MACF1: variants seen among roughly 807,000 people sequenced by gnomAD.
The protein encoded by MACF1 is microtubule-actin cross-linking factor 1.
In MACF1, 193 loss-of-function variants were observed where a neutral mutation model predicts 854.8. The observed-to-expected ratio is 0.23, with a 90% CI of 0.20 to 0.25. The LOEUF (loss-of-function observed/expected upper bound fraction) is 0.25, where lower values mean the gene tolerates loss of function less well. MACF1 is among the 10% of genes least tolerant of loss of function. The pLI is 1.00. For synonymous variants in MACF1, 3,185 were observed against 3,226.7 expected (o/e 0.99, Z 0.44); for missense variants, 7,722 against 8,929.1 (o/e 0.86, Z 5.45).
intron 97 of MACF1, among the ~76,000 whole-genome samples, chr1:39,477,081 A>ACACTTAGTG (rs1373355558): frequency 1.4e-4 from 2 of 14,450 alleles, no homozygotes; most frequent in Admixed American, 9.4e-4. Flanking sequence ...ATATATATAT[A>ACACTTAGTG]TATATATATA....
chr1:39,204,028 C>T (rs1201078582), upstream of MACF1, among the ~76,000 whole-genome samples: 2 of 152,108 alleles, frequency 1.3e-5, no homozygotes, highest in African/African-American at 4.8e-5. Flanking sequence ...AATCCCAGCA[C>T]CTTTGGAGGC....
At position 39,454,246 on chromosome 1, in the gene MACF1, A is replaced by T. The variant is rs1644392787; in HGVS notation, c.20886+396A>T. 2.0e-5 allele frequency among the ~76,000 whole-genome samples: 3 copies of T among 152,230 alleles called. No individual in the cohort carries two copies. In the South Asian group the frequency reaches 6.2e-4, roughly 32 times the overall value. On this transcript the variant is annotated intron_variant, in intron 88 of 100. Coordinates refer to ENST00000564288, the MANE Select transcript of MACF1 (RefSeq NM_001394062.1). ...CATTCACAGCCAAACATGGATAGAA[A>T]ATACAGTATTCACGGGAAGCGAAGC...
chr1:39,437,781 A>G lies in MACF1; in HGVS notation c.17993A>G (p.His5998Arg). Residue 5998 changes from histidine to arginine, a missense_variant, in exon 71 of 101, where the codon CAT becomes CGT. Transcript: ENST00000564288. ...AATGTTCCAACATTTGTTTAGTTTC[A>G]TGATAAAATTGAGCCTATGTTGGAG... Reference protein sequence around the residue: ...DEAVSQSTQFHDKIEPMLETL... With the variant: ...DEAVSQSTQFRDKIEPMLETL... 9.9e-6 allele frequency: 16 copies of G among 1,610,860 alleles called. No individual in the cohort carries two copies. Among genetic ancestry groups the G allele is most frequent in the Non-Finnish European group, 1.4e-5 (16 of 1,176,968 alleles).
chr1:39,168,549 G>A (rs575209460), intron 2 of MACF1, among the ~76,000 whole-genome samples: 1 of 152,208 alleles, frequency 6.6e-6, no homozygotes, highest in South Asian at 2.1e-4. Context: ...GGCAGGTCTC[G>A]AACTCCTGGG....
chr1:39,233,808 T>TTTTTTTTTTTTTTTAA lies in MACF1; in HGVS notation c.171+2565_171+2566insTTTTTTTTTTTTTTAA, dbSNP rs755591226. On this transcript the variant is annotated intron_variant, in intron 2 of 100. Coordinates refer to ENST00000564288, the MANE Select transcript of MACF1 (RefSeq NM_001394062.1). ...TTTTTTTTTTTTTTTATTTATTTTT[T>TTTTTTTTTTTTTTTAA]ATTGATAATTCTTGGGTGTTTCTCA... Among the ~76,000 whole-genome samples the TTTTTTTTTTTTTTTAA allele has an allele frequency of 3.0e-5, 2 of 65,772 alleles. 1 individual carries two copies. Among genetic ancestry groups the TTTTTTTTTTTTTTTAA allele is most frequent in the African/African-American group, 8.5e-5 (2 of 23,418 alleles). The allele number at this position is 65,772 out of a possible 152,430, so 43.1% of individuals were successfully genotyped here.
Position 39,380,362 on chromosome 1 carries a change from A to G in MACF1, c.13637A>G (p.Gln4546Arg), listed in dbSNP as rs192489722. ...GAAGCAGAAAATTGGAAGAAAATTC[A>G]GGAAGAACTCAGTAAGTTTTCACAA... ...SQEAENWKKI[Q>R]EELNSRWERA... The change falls in exon 55 of 101, where the codon CAG becomes CGG. Residue 4546 changes from glutamine to arginine, a missense_variant. Gln to Arg is a conservative substitution (Grantham distance 43). Transcript: ENST00000564288. The G allele has an allele frequency of 2.5e-6, 4 of 1,613,200 alleles. No individual in the cohort carries two copies. In the African/African-American group the frequency reaches 4.0e-5, roughly 16 times the overall value.
At chr1:39,345,994 G>A (rs1429979679) in intron 40 of MACF1, among the ~76,000 whole-genome samples, 1 of 151,546 alleles carries the variant, frequency 6.6e-6, no homozygotes, top group Non-Finnish European at 1.5e-5. Flanking sequence ...GCTTGAACCA[G>A]TGAGGCAGAG....
intron 6 of MACF1, among the ~76,000 whole-genome samples, chr1:39,258,792 A>G (rs1645125247): frequency 6.6e-6 from 1 of 152,208 alleles, no homozygotes; most frequent in Admixed American, 6.5e-5. Flanking sequence ...TGCCGACTTC[A>G]GGGATGAGGC....
At chr1:39,410,076 G>C in intron 58 of MACF1, 1 of 467,272 alleles carries the variant, frequency 2.1e-6, no homozygotes, top group East Asian at 3.1e-5. Flanking sequence ...TGAGGAAAAA[G>C]CTGTTTGTCT....
intron 2 of MACF1, among the ~76,000 whole-genome samples, chr1:39,117,296 T>C (rs890627420): frequency 2.0e-5 from 3 of 152,160 alleles, no homozygotes; most frequent in Non-Finnish European, 4.4e-5. Context: ...CAGCTCAGAA[T>C]TGATGTAGTT....
chr1:39,428,024 T>A lies in MACF1; in HGVS notation c.16540T>A (p.Ser5514Thr), dbSNP rs1015351193. The change falls in exon 63 of 101, where the codon TCC becomes ACC. Residue 5514 changes from serine to threonine, a missense_variant. By Grantham distance (58) the Ser-to-Thr change is moderately conservative. Transcript: ENST00000564288. ...DVHQAVKIGQ[S>T]LSSLTSPAEQ... ...GCACCAGGCAGTCAAAATTGGGCAG[T>A]CCCTCTCCTCCCTGACATCTCCTGC... The A allele has an allele frequency of 6.2e-7, 1 of 1,614,098 alleles. No individual in the cohort carries two copies. The highest frequency in any genetic ancestry group is 8.5e-7 in the Non-Finnish European group (1 of 1,180,036).
In MACF1 at chr1:39,334,786, A is replaced by G; in HGVS notation, c.8198A>G (p.Asp2733Gly). ...SHQVLNGGIV[D>G]IFSDQRVTLV... is the part of the protein sequence containing the mutation. ...CAGGTGTTAAATGGAGGAATTGTTG[A>G]CATATTTAGTGATCAGAGAGTGACT... The change falls in exon 37 of 101, where the codon GAC (aspartate) becomes GGC (glycine). Residue 2733 changes from aspartate (D) to glycine (G), a missense_variant. Transcript: ENST00000564288. 1 of 1,614,132 alleles carries G rather than the reference A, an allele frequency of 6.2e-7. No homozygotes were observed. The highest frequency in any genetic ancestry group is 8.5e-7 in the Non-Finnish European group (1 of 1,179,992).
chr1:39,167,342 A>G (rs1643892169), intron 2 of MACF1, among the ~76,000 whole-genome samples: 1 of 151,114 alleles, frequency 6.6e-6, no homozygotes, highest in East Asian at 2.0e-4. Context: ...TGGGAGGCTG[A>G]GGCGGGTGGA....
In MACF1 at chr1:39,084,525, G is replaced by C; in HGVS notation, c.220+87G>C. The C allele has an allele frequency of 1.2e-5, 13 of 1,091,318 alleles. No individual in the cohort carries two copies. Among genetic ancestry groups the C allele is most frequent in the Non-Finnish European group, 1.6e-5 (12 of 748,496 alleles). The allele number at this position is 1,091,318 out of a possible 1,614,324, so 67.6% of individuals were successfully genotyped here. A position where few individuals can be genotyped will look rare whatever the true frequency, so the allele number is the denominator to read the frequency against. ...CAGCAGCTGTGTGGGGAGCCGAGGG[G>C]TCCTCACCAGGGCCTCTGACAAAGC... is the stretch of plus-strand genomic sequence containing the variant. On this transcript the variant is annotated intron_variant, in intron 2 of 93. Coordinates refer to the MACF1 transcript ENST00000361689. This position sits in a 1 kb window ranked among gnomAD's most constrained non-coding sequence, Gnocchi z 5.2.
At chr1:39,306,610 C>CTTTT (rs35360749) in intron 23 of MACF1, among the ~76,000 whole-genome samples, 1 of 124,510 alleles carries the variant, frequency 8.0e-6, no homozygotes, top group Non-Finnish European at 1.7e-5. Flanking sequence ...ACCATTCTAT[C>CTTTT]TTTTTTTTTT....
intron 40 of MACF1, among the ~76,000 whole-genome samples, chr1:39,343,031 C>A (rs938855507): frequency 6.6e-6 from 1 of 152,114 alleles, no homozygotes; most frequent in African/African-American, 2.4e-5. Flanking sequence ...TTGTTGACCC[C>A]CCTGCTCTAG....
rs770582378 is a variant in MACF1 at position 39,458,459 on chromosome 1, G to A, written c.21165G>A (p.Ala7055=). The A allele has an allele frequency of 3.0e-5, 48 of 1,613,730 alleles. 1 individual carries two copies. Among genetic ancestry groups the A allele is most frequent in the Middle Eastern group, 1.6e-4 (1 of 6,082 alleles). Residue 7055 remains alanine, a synonymous_variant, in exon 90 of 101, where the codon GCG becomes GCA. Coordinates refer to ENST00000564288, the MANE Select transcript of MACF1 (RefSeq NM_001394062.1). ...GGAAAAACATAGAGCCTACTCACGC[G>A]CCTTTCATAGAGAAATCCCGCAGCG... is the stretch of plus-strand genomic sequence containing the variant. ...YKRKNIEPTH[A]PFIEKSRSGG...
Position 39,333,890 on chromosome 1 carries a change from T to A in MACF1, c.7302T>A (p.Ala2434=). The change falls in exon 37 of 101, where the codon GCT becomes GCA. Residue 2434 remains alanine (A), a synonymous_variant. Transcript: ENST00000564288. The part of the protein sequence containing the change: ...LASTLGLVDV[A]DQPELINLEK... ...CAACTCTTGGCTTGGTGGACGTTGC[T>A]GACCAGCCAGAACTTATAAATCTGG... is the stretch of plus-strand genomic sequence containing the variant. The A allele has an allele frequency of 6.2e-7, 1 of 1,614,202 alleles. No homozygotes were observed. Among genetic ancestry groups the A allele is most frequent in the Non-Finnish European group, 8.5e-7 (1 of 1,180,036 alleles).
Position 39,405,882 on chromosome 1 carries a change from C to CTT in MACF1, c.15817-16481_15817-16480dup, listed in dbSNP as rs201320427. Among the ~76,000 whole-genome samples the CTT allele has an allele frequency of 9.4e-4, 136 of 144,130 alleles. 1 individual carries two copies. Among genetic ancestry groups the CTT allele is most frequent in the Middle Eastern group, 3.5e-3 (1 of 282 alleles). 94.6% of individuals were successfully genotyped at this position (144,130 alleles called of 152,430 possible). A position where few individuals can be genotyped will look rare whatever the true frequency, so the allele number is the denominator to read the frequency against. The stretch of plus-strand genomic sequence containing the variant: ...ACACAGCATGTGAAATGAACAGATG[C>CTT]TTTTTTTTTTTTGTAGCTATCAGGG... On this transcript the variant is annotated intron_variant, in intron 58 of 100. Coordinates refer to ENST00000564288, the MANE Select transcript of MACF1 (RefSeq NM_001394062.1).
Sources: gnomAD v4.1 joint callset for allele counts (sites outside exome capture counted in the v4.1 genomes callset) on GRCh38, gnomAD v4.1.1 for gene constraint, Gnocchi (gnomAD v3.1) non-coding constraint, MANE v1.5 for transcripts, NCBI Gene and HGNC (gene_info 2026-07-23, HGNC 2026-07-21) for gene names.